Variants in PNKD observed in about 807,000 individuals in gnomAD.
The protein encoded by PNKD is PNKD metallo-beta-lactamase domain containing, also known as probable thioesterase PNKD.
PNKD carries 36 observed loss-of-function variants against 45.3 expected under a neutral mutation model. The observed-to-expected ratio is 0.80, with a 90% CI of 0.61 to 1.05. The LOEUF is 1.05. Among genes scored for constraint, PNKD ranks in the 50% least tolerant of loss-of-function variants. PNKD has a pLI of 0.00. For missense variants in PNKD, 511 were observed against 506.6 expected (o/e 1.01, Z -0.08); for synonymous variants, 197 against 210.1 (o/e 0.94, Z 0.54).
chr2:218,273,163 A>G (rs1690920411), intron 2 of PNKD, among the ~76,000 whole-genome samples: 1 of 152,246 alleles, frequency 6.6e-6, no homozygotes, highest in South Asian at 2.1e-4. Context: ...TTGAAACAAT[A>G]AAGAGAATCA....
intron 2 of PNKD, chr2:218,323,240 G>A: frequency 6.8e-7 from 1 of 1,462,948 alleles, no homozygotes; most frequent in Non-Finnish European, 9.0e-7. Flanking sequence ...GCCGAGCCCC[G>A]CCCGGCCGGC....
chr2:218,314,692 G>GT (rs530877937), intron 2 of PNKD, among the ~76,000 whole-genome samples: 239 of 143,538 alleles, frequency 1.7e-3, no homozygotes, highest in Middle Eastern at 3.7e-3. Flanking sequence ...ATTTAAGTTC[G>GT]TTTTTTTTTT....
At chr2:218,343,640 C>A in intron 8 of PNKD, 54 bp downstream of exon 8, 2 of 1,366,916 alleles carry the variant, frequency 1.5e-6, no homozygotes, top group Non-Finnish European at 2.0e-6. Context: ...CAGCCTGGGA[C>A]AAGGGCCTTC....
At chr2:218,271,322 C>T (rs1690821599) in intron 1 of PNKD, 59 bp from the exon 2 acceptor site, 15 of 1,486,258 alleles carry the variant, frequency 1.0e-5, no homozygotes, top group Non-Finnish European at 1.4e-5. Context: ...CTGCCCCCCA[C>T]CTCCCCGCTT....
intron 7 of PNKD, 138 bp from the exon 8 acceptor site, chr2:218,343,362 G>T: frequency 2.7e-6 from 2 of 740,544 alleles, no homozygotes; most frequent in Non-Finnish European, 2.4e-6. Context: ...TAGATGCCTG[G>T]GGTGGGTCTG....
chr2:218,315,094 CTCCT>C (rs71064434), intron 2 of PNKD, among the ~76,000 whole-genome samples: 26,625 of 99,824 alleles, frequency 0.27, 5,324 homozygotes, highest in Middle Eastern at 0.43. Context: ...CTCTCTCTCT[CTCCT>C]TCCTTCCTTC....
chr2:218,276,030 G>T (rs201500641), intron 2 of PNKD: 1 of 1,612,258 alleles, frequency 6.2e-7, no homozygotes, highest in Admixed American at 1.7e-5. Flanking sequence ...ACTTACCAGG[G>T]TGAAACAAAT....
At chr2:218,273,902 A>AG (rs1490320467) in intron 2 of PNKD, among the ~76,000 whole-genome samples, 6 of 151,922 alleles carry the variant, frequency 3.9e-5, no homozygotes, top group African/African-American at 1.5e-4. Context: ...CAGCTCTTTG[A>AG]GGAAGAGAGT....
chr2:218,323,928 T>C (rs923556926), intron 2 of PNKD, among the ~76,000 whole-genome samples: 1 of 152,188 alleles, frequency 6.6e-6, no homozygotes, highest in African/African-American at 2.4e-5. Flanking sequence ...TCCTCACCAG[T>C]CAAGTTAGGT....
Position 218,345,257 on chromosome 2 carries a change from A to C in PNKD, c.*276A>C. 1 of 410,092 alleles carries C rather than the reference A, an allele frequency of 2.4e-6. No homozygotes were observed. Among genetic ancestry groups the C allele is most frequent in the Non-Finnish European group, 4.4e-6 (1 of 227,348 alleles). The allele number at this position is 410,092 out of a possible 1,614,324, so 25.4% of individuals were successfully genotyped here. A position where few individuals can be genotyped will look rare whatever the true frequency, so the allele number is the denominator to read the frequency against. On this transcript the variant is annotated 3_prime_UTR_variant, in exon 10 of 10. Transcript: ENST00000273077. ...CTCGGGACATCTCCAGACCCTACCA[A>C]CTGGGAGGGTCCCCTCCTCCTTCCC...
intron 2 of PNKD, among the ~76,000 whole-genome samples, chr2:218,315,116 CCTTCCTTT>C (rs200107858): frequency 0.043 from 5,613 of 130,058 alleles, 205 homozygotes; most frequent in East Asian, 0.19. Context: ...TTCCTTCCTT[CCTTCCTTT>C]CTTTCTTTCT....
At chr2:218,335,141 A>G (rs1383934612) in intron 2 of PNKD, among the ~76,000 whole-genome samples, 6 of 151,844 alleles carry the variant, frequency 4.0e-5, no homozygotes, top group African/African-American at 1.5e-4. Flanking sequence ...ACAGAGGAAG[A>G]TCCCATCTCT....
In PNKD at chr2:218,344,576, G is replaced by A; in HGVS notation, c.984+6G>A. ...GGCTGGAGCGCAAGGGCACGGTGAGGGACTCGGGGTCCAGGAGGAGCTGTG... is the reference window on the plus strand; with the variant it reads ...GGCTGGAGCGCAAGGGCACGGTGAGAGACTCGGGGTCCAGGAGGAGCTGTG... On this transcript the variant is annotated splice_donor_region_variant and intron_variant, in intron 9 of 9. Transcript: ENST00000273077. 6.3e-7 allele frequency: 1 copy of A among 1,588,160 alleles called. No homozygotes were observed. Among genetic ancestry groups the A allele is most frequent in the Non-Finnish European group, 8.6e-7 (1 of 1,166,042 alleles).
At chr2:218,293,791 TTGTAGAGATGG>T (rs201524872) in intron 2 of PNKD, among the ~76,000 whole-genome samples, 1 of 150,538 alleles carries the variant, frequency 6.6e-6, no homozygotes. Context: ...TTTGTTTGTT[TTGTAGAGATGG>T]GTTTTCACGT....
intron 2 of PNKD, among the ~76,000 whole-genome samples, chr2:218,338,227 G>A (rs769728714): frequency 1.1e-4 from 16 of 151,324 alleles, no homozygotes; most frequent in African/African-American, 2.7e-4. Flanking sequence ...TTGAAAGGCC[G>A]AGGCAGGCGG....
Position 218,340,259 on chromosome 2 carries a change from C to T in PNKD, c.465+118C>T. 1.4e-6 allele frequency: 1 copy of T among 710,992 alleles called. No homozygotes were observed. 44.0% of individuals were successfully genotyped at this position (710,992 alleles called of 1,614,324 possible). On this transcript the variant is annotated intron_variant, in intron 4 of 9. Transcript: ENST00000273077. The surrounding 1 kb of genome is among the most constrained non-coding windows in gnomAD (Gnocchi z 4.2). ...CCCGTGGGATGTGTCCCATATGCTC[C>T]ATGTTCACACGTGCACATGCGCACA...
intron 2 of PNKD, among the ~76,000 whole-genome samples, chr2:218,318,956 T>C (rs10192387): frequency 0.56 from 64,434 of 114,812 alleles, 17,294 homozygotes; most frequent in South Asian, 0.68. Flanking sequence ...TTTTCTTTTT[T>C]TTTTTTTTTT....
Position 218,342,022 on chromosome 2 carries a change from A to G in PNKD, c.659A>G (p.Gln220Arg), listed in dbSNP as rs1694692689. 3.7e-6 allele frequency: 6 copies of G among 1,613,646 alleles called. No homozygotes were observed. In the South Asian group the frequency reaches 6.6e-5, roughly 18 times the overall value. Residue 220 changes from glutamine (Q) to arginine (R), a missense_variant, in exon 7 of 10, where the codon CAG (glutamine) becomes CGG (arginine). Physicochemically the swap from Gln to Arg is conservative, Grantham distance 43. Coordinates refer to ENST00000273077, the MANE Select transcript of PNKD (RefSeq NM_015488.5). ...HQDVVSVGRL[Q>R]IRALATPGHT... ...GATGTGGTCAGCGTGGGACGGCTTCAGATCCGGGCCCTGGCTACACCTGGC... is the reference window on the plus strand; with the variant it reads ...GATGTGGTCAGCGTGGGACGGCTTCGGATCCGGGCCCTGGCTACACCTGGC...
chr2:218,323,182 C>T (rs1694039746), intron 2 of PNKD: 1 of 1,378,902 alleles, frequency 7.3e-7, no homozygotes, highest in Non-Finnish European at 9.3e-7. Context: ...CCAGAGCCGG[C>T]AGGCAGGTTC....
Sources: allele counts gnomAD v4.1 joint callset (sites outside exome capture counted in the v4.1 genomes callset), GRCh38; gene constraint gnomAD v4.1.1; non-coding constraint Gnocchi (gnomAD v3.1); transcripts MANE v1.5; gene names NCBI Gene and HGNC (gene_info 2026-07-23, HGNC 2026-07-21).